The following RBFOX3 variants were observed in gnomAD, a reference collection of about 807,000 sequenced individuals.
RBFOX3 encodes RNA binding protein fox-1 homolog 3.
Under a neutral mutation model 48.7 loss-of-function variants are expected in RBFOX3, and 17 were observed. The ratio of observed to expected loss-of-function variants is 0.35; its 90% CI spans 0.24 to 0.52. The LOEUF is 0.52. Ranked by LOEUF, RBFOX3 falls within the 20% of genes least tolerant of loss-of-function variation. The probability of loss-of-function intolerance (pLI) is 0.94; values close to 1 mark genes in which losing one functional copy is unlikely to be tolerated. For synonymous variants in RBFOX3, 212 were observed against 209.5 expected, an observed-to-expected ratio of 1.01 and a Z score of -0.10; for missense variants, 382 against 497.5, an observed-to-expected ratio of 0.77 and a Z score of 2.21.
intron 3 of RBFOX3, among the ~76,000 whole-genome samples, chr17:79,265,513 A>C (rs2066543444): frequency 6.6e-6 from 1 of 152,154 alleles, no homozygotes; most frequent in Non-Finnish European, 1.5e-5. Context: ...CTGCCACTTT[A>C]TTAACTTTTT....
At chr17:79,561,716 C>T (rs932554853) in intron 1 of RBFOX3, among the ~76,000 whole-genome samples, 4 of 152,184 alleles carry the variant, frequency 2.6e-5, no homozygotes, top group East Asian at 1.9e-4. Context: ...CCCTTCATCC[C>T]GGCCCGAGTC....
At chr17:79,464,420 G>A (rs952108024) in intron 2 of RBFOX3, among the ~76,000 whole-genome samples, 8 of 152,226 alleles carry the variant, frequency 5.3e-5, no homozygotes, top group Admixed American at 2.6e-4. Flanking sequence ...CCATCAAGGC[G>A]GAGCAGGGAC....
intron 1 of RBFOX3, among the ~76,000 whole-genome samples, chr17:79,558,974 C>T (rs911315820): frequency 1.6e-3 from 244 of 152,162 alleles, no homozygotes; most frequent in African/African-American, 5.6e-3. Flanking sequence ...TTGTCCATGC[C>T]AGGTGCTCAG....
intron 2 of RBFOX3, among the ~76,000 whole-genome samples, chr17:79,352,254 G>C (rs1393737357): frequency 6.6e-6 from 1 of 152,144 alleles, no homozygotes; most frequent in Admixed American, 6.5e-5. Flanking sequence ...CAACCCCCTA[G>C]TGCTATCTCA....
Position 79,356,365 on chromosome 17 carries a change from T to TTTTTTTGTTTTTG in RBFOX3, c.-174-48542_-174-48541insCAAAAACAAAAAA, listed in dbSNP as rs1568100982. ...ACAGGGAAGTTTTTTTTTTTTTTTT[T>TTTTTTTGTTTTTG]TTTTTTTTTTTTTTTTTTTTTGAGG... is the stretch of plus-strand genomic sequence containing the variant. On this transcript the variant is annotated intron_variant, in intron 2 of 14. Coordinates refer to ENST00000693108, the MANE Select transcript of RBFOX3 (RefSeq NM_001350451.2). Among the ~76,000 whole-genome samples, 39 of 108,288 alleles carry TTTTTTTGTTTTTG rather than the reference T, an allele frequency of 3.6e-4. 2 individuals are homozygous for TTTTTTTGTTTTTG. The highest frequency in any genetic ancestry group is 1.4e-3 in the African/African-American group (39 of 27,084). The allele number at this position is 108,288 out of a possible 152,430, so 71.0% of individuals were successfully genotyped here. A position where few individuals can be genotyped will look rare whatever the true frequency, so the allele number is the denominator to read the frequency against.
chr17:79,591,854 G>A (rs905726706), intron 1 of RBFOX3, among the ~76,000 whole-genome samples: 4 of 150,604 alleles, frequency 2.7e-5, no homozygotes, highest in Admixed American at 6.6e-5. Context: ...GGGTGTGCAC[G>A]TGTGGAGGGT....
chr17:79,357,193 A>G (rs1419882784), intron 2 of RBFOX3, among the ~76,000 whole-genome samples: 1 of 152,244 alleles, frequency 6.6e-6, no homozygotes, highest in Non-Finnish European at 1.5e-5. Context: ...AGCAGGCTGT[A>G]CGCACATGTA....
intron 4 of RBFOX3, among the ~76,000 whole-genome samples, chr17:79,186,164 C>T (rs2053352627): frequency 6.6e-6 from 1 of 152,256 alleles, no homozygotes; most frequent in Non-Finnish European, 1.5e-5. Flanking sequence ...CCAGATTGCA[C>T]TGGGCCCAGG....
At chr17:79,503,815 A>C (rs1214531389) in intron 1 of RBFOX3, among the ~76,000 whole-genome samples, 4 of 152,110 alleles carry the variant, frequency 2.6e-5, no homozygotes, top group African/African-American at 9.7e-5. Context: ...GCTCCTCCAC[A>C]CCAGCCACCA....
intron 1 of RBFOX3, among the ~76,000 whole-genome samples, chr17:79,559,390 G>A (rs2092018317): frequency 6.6e-6 from 1 of 151,614 alleles, no homozygotes; most frequent in Non-Finnish European, 1.5e-5. Flanking sequence ...ATGGATGGGT[G>A]GATAAGTGAA....
At position 79,468,856 on chromosome 17, in the gene RBFOX3, C is replaced by G. The variant is rs1329039695; in HGVS notation, c.-175+13598G>C. ...GATGGATGGATGGATAGATAGACAG[C>G]AGATAGGCAGGCAGATAGACAGGAG... On this transcript the variant is annotated intron_variant, in intron 2 of 14. Coordinates refer to ENST00000693108, the MANE Select transcript of RBFOX3 (RefSeq NM_001350451.2). Among the ~76,000 whole-genome samples the G allele has an allele frequency of 2.8e-5, 4 of 141,936 alleles. 1 individual carries two copies. The highest frequency in any genetic ancestry group is 4.6e-5 in the Non-Finnish European group (3 of 65,586). The allele number at this position is 141,936 out of a possible 152,430, so 93.1% of individuals were successfully genotyped here. A position where few individuals can be genotyped will look rare whatever the true frequency, so the allele number is the denominator to read the frequency against.
chr17:79,284,822 G>A (rs2071484483), intron 3 of RBFOX3, among the ~76,000 whole-genome samples: 1 of 152,160 alleles, frequency 6.6e-6, no homozygotes, highest in South Asian at 2.1e-4. Context: ...TTACAGGGGT[G>A]AGCCACTGTG....
intron 2 of RBFOX3, among the ~76,000 whole-genome samples, chr17:79,446,493 T>C (rs972401369): frequency 1.3e-5 from 2 of 152,110 alleles, no homozygotes; most frequent in African/African-American, 4.8e-5. Context: ...AACTGAAGAC[T>C]AGCCAAGCAA....
chr17:79,462,302 T>C (rs1243436980), intron 2 of RBFOX3, among the ~76,000 whole-genome samples: 1 of 152,234 alleles, frequency 6.6e-6, no homozygotes, highest in Non-Finnish European at 1.5e-5. Flanking sequence ...ACCAAGGCAC[T>C]AATGGTGTGA....
intron 14 of RBFOX3, chr17:79,092,751 G>A (rs2074202314): frequency 1.8e-6 from 1 of 549,436 alleles, no homozygotes; most frequent in Non-Finnish European, 2.3e-6. Context: ...GCCAAGTCTC[G>A]ATTTCTTTCC....
intron 4 of RBFOX3, among the ~76,000 whole-genome samples, chr17:79,178,440 C>T (rs1021012977): frequency 2.0e-5 from 3 of 152,308 alleles, no homozygotes; most frequent in East Asian, 1.9e-4. Context: ...CCTGAATCTT[C>T]GTTGTTCAGG....
At chr17:79,625,746 C>T in the RBFOX3 span, among the ~76,000 whole-genome samples, 8 of 152,300 alleles carry the variant, frequency 5.3e-5, no homozygotes, top group African/African-American at 1.9e-4. Flanking sequence ...GAGCCGAAAT[C>T]GAGCCATTGC....
In RBFOX3 at chr17:79,199,519, A is replaced by C. The variant is rs1468144985; in HGVS notation, c.-34+36247T>G. ...CCATCTGGATGGCCTGAACCCAGTC[A>C]CTGACTTAGGGCTGCCAGTGACCTC... On this transcript the variant is annotated intron_variant, in intron 4 of 14. Coordinates refer to ENST00000693108, the MANE Select transcript of RBFOX3 (RefSeq NM_001350451.2). The surrounding 1 kb of genome is among the most constrained non-coding windows in gnomAD (Gnocchi z 5.1). Among the ~76,000 whole-genome samples the C allele has an allele frequency of 4.6e-5, 7 of 152,196 alleles. No homozygotes were observed. Among genetic ancestry groups the C allele is most frequent in the Non-Finnish European group, 8.8e-5 (6 of 68,028 alleles).
At chr17:79,543,228 G>A (rs187090553) in intron 1 of RBFOX3, among the ~76,000 whole-genome samples, 72 of 152,196 alleles carry the variant, frequency 4.7e-4, no homozygotes, top group African/African-American at 1.7e-3. Context: ...CCTCCTCCAC[G>A]CCTTACTGAG....
Sources: allele counts gnomAD v4.1 joint callset (sites outside exome capture counted in the v4.1 genomes callset), GRCh38; gene constraint gnomAD v4.1.1; non-coding constraint Gnocchi (gnomAD v3.1); transcripts MANE v1.5; gene names NCBI Gene and HGNC (gene_info 2026-07-23, HGNC 2026-07-21).